The following SH3RF1 variants were observed in gnomAD, a reference collection of about 807,000 sequenced individuals.
The protein encoded by SH3RF1 is E3 ubiquitin-protein ligase SH3RF1.
In SH3RF1, 32 loss-of-function variants were observed where a neutral mutation model predicts 74.0. The ratio of observed to expected loss-of-function variants is 0.43; its 90% CI spans 0.33 to 0.58. SH3RF1 has a LOEUF of 0.58. Among genes scored for constraint, SH3RF1 ranks in the 20% least tolerant of loss-of-function variants. The pLI is 0.05. For synonymous variants in SH3RF1, 396 were observed against 439.6 expected (o/e 0.90, Z 1.24); for missense variants, 954 against 1,130.9 (o/e 0.84, Z 2.24).
intron 2 of SH3RF1, among the ~76,000 whole-genome samples, chr4:169,265,583 C>T (rs571528864): frequency 8.5e-5 from 13 of 152,314 alleles, no homozygotes; most frequent in African/African-American, 2.6e-4. Flanking sequence ...AAGCGATTCT[C>T]CAGCCTTGGC....
Position 169,136,486 on chromosome 4 carries a change from TTTGGTGTTCTTC to T in SH3RF1, c.888_899del (p.Asn298_Lys301del), listed in dbSNP as rs1561033426. 6.2e-7 allele frequency: 1 copy of T among 1,613,768 alleles called. No individual in the cohort carries two copies. Among genetic ancestry groups the T allele is most frequent in the South Asian group, 1.1e-5 (1 of 91,034 alleles). Reference sequence around the variant, plus strand: ...TGAGGGAAGTGAAGGAGTGCCGCTTTTTGGTGTTCTTCTTGGTGTCGGAGTGCTTTGGGGCAG... The same window carrying T: ...TGAGGGAAGTGAAGGAGTGCCGCTTTTTGGTGTCGGAGTGCTTTGGGGCAG... On this transcript the variant is annotated inframe_deletion, in exon 5 of 12. Coordinates refer to ENST00000284637, the MANE Select transcript of SH3RF1 (RefSeq NM_020870.4).
chr4:169,143,368 G>A (rs749524260), intron 4 of SH3RF1, among the ~76,000 whole-genome samples: 3 of 152,018 alleles, frequency 2.0e-5, no homozygotes, highest in East Asian at 1.9e-4. Flanking sequence ...TTTGAAACCC[G>A]GTGCGAACGG....
intron 8 of SH3RF1, 139 bp downstream of exon 8, chr4:169,120,680 A>T: frequency 1.2e-6 from 1 of 847,624 alleles, no homozygotes; most frequent in Non-Finnish European, 1.8e-6. Context: ...ATTTTAGCAG[A>T]TGTAGACATG....
intron 6 of SH3RF1, among the ~76,000 whole-genome samples, chr4:169,129,462 T>G (rs1236823367): frequency 6.6e-6 from 1 of 152,202 alleles, no homozygotes; most frequent in African/African-American, 2.4e-5. Context: ...CATTTGGATG[T>G]TTTTAAGCAA....
chr4:169,113,228 A>G (rs1454555482), intron 10 of SH3RF1, among the ~76,000 whole-genome samples: 1 of 151,802 alleles, frequency 6.6e-6, no homozygotes, highest in Non-Finnish European at 1.5e-5. Flanking sequence ...CTCCAGCTTC[A>G]GCCTCCTGAG....
chr4:169,223,337 A>G (rs1355203335), intron 2 of SH3RF1, among the ~76,000 whole-genome samples: 2 of 152,204 alleles, frequency 1.3e-5, no homozygotes, highest in Admixed American at 6.5e-5. Flanking sequence ...ACATTCTATG[A>G]GAGTTCTGAG....
At chr4:169,168,417 G>A (rs1484231206) in intron 2 of SH3RF1, among the ~76,000 whole-genome samples, 1 of 152,118 alleles carries the variant, frequency 6.6e-6, no homozygotes, top group Non-Finnish European at 1.5e-5. Context: ...GAGAAGTTTG[G>A]CATATTCAGT....
intron 2 of SH3RF1, among the ~76,000 whole-genome samples, chr4:169,218,937 A>C (rs1428258517): frequency 6.6e-6 from 1 of 152,212 alleles, no homozygotes; most frequent in Non-Finnish European, 1.5e-5. Context: ...TAAATAATTT[A>C]CAGTATTTAG....
At chr4:169,190,391 T>G (rs1734680961) in intron 2 of SH3RF1, among the ~76,000 whole-genome samples, 1 of 151,870 alleles carries the variant, frequency 6.6e-6, no homozygotes, top group Non-Finnish European at 1.5e-5. Context: ...ACGAGAGACA[T>G]TACAACTGAC....
rs1353339818 is a variant in SH3RF1, at chr4:169,237,913, T to C, written c.393+30907A>G. Among the ~76,000 whole-genome samples, 3 of 152,172 alleles carry C rather than the reference T, an allele frequency of 2.0e-5. No individual in the cohort carries two copies. The East Asian group carries it at 5.8e-4, about 29-fold the overall frequency. ...CCTTGAAATCTGATCACCCTTGATATATAGCTCCTCATCTCCCACCTTTGA... is the reference window on the plus strand; with the variant it reads ...CCTTGAAATCTGATCACCCTTGATACATAGCTCCTCATCTCCCACCTTTGA... On this transcript the variant is annotated intron_variant, in intron 2 of 11. Coordinates refer to ENST00000284637, the MANE Select transcript of SH3RF1 (RefSeq NM_020870.4).
At chr4:169,230,603 A>G (rs1730721717) in intron 2 of SH3RF1, among the ~76,000 whole-genome samples, 1 of 152,218 alleles carries the variant, frequency 6.6e-6, no homozygotes, top group Non-Finnish European at 1.5e-5. Context: ...TCACACCTGT[A>G]TTCCCATCAC....
rs78728037 is a variant in SH3RF1 at position 169,165,738 on chromosome 4, T to C, written c.394-9059A>G. On this transcript the variant is annotated intron_variant, in intron 2 of 11. Coordinates refer to ENST00000284637, the MANE Select transcript of SH3RF1 (RefSeq NM_020870.4). ...CCTTGGAGAGAGGATGCTCATATAA[T>C]TTAAACATAAGGTTAAATGTAAAAG... is the stretch of plus-strand genomic sequence containing the variant. Among the ~76,000 whole-genome samples, 70 of 152,242 alleles carry C rather than the reference T, an allele frequency of 4.6e-4. 1 individual carries two copies. In the East Asian group the frequency reaches 0.013, roughly 29 times the overall value.
chr4:169,262,291 C>A (rs186795092), intron 2 of SH3RF1, among the ~76,000 whole-genome samples: 5 of 152,238 alleles, frequency 3.3e-5, no homozygotes, highest in African/African-American at 1.2e-4. Flanking sequence ...ATAACATATT[C>A]TTCTATATGG....
chr4:169,155,410 A>C, intron 4 of SH3RF1, 70 bp downstream of exon 4: 1 of 1,236,758 alleles, frequency 8.1e-7, no homozygotes, highest in Admixed American at 1.7e-5. Flanking sequence ...TTAATACTCA[A>C]ATTGCATAAT....
intron 2 of SH3RF1, among the ~76,000 whole-genome samples, chr4:169,235,167 T>G (rs1326915086): frequency 6.6e-6 from 1 of 152,350 alleles, no homozygotes; most frequent in East Asian, 1.9e-4. Context: ...ATAATCCTAC[T>G]GTGCAAAACA....
chr4:169,200,687 C>T (rs915909963), intron 2 of SH3RF1, among the ~76,000 whole-genome samples: 6 of 152,166 alleles, frequency 3.9e-5, no homozygotes, highest in African/African-American at 1.4e-4. Flanking sequence ...CAACTACGTG[C>T]TCCCTTTACC....
At chr4:169,197,782 A>G (rs1734841228) in intron 2 of SH3RF1, among the ~76,000 whole-genome samples, 1 of 152,138 alleles carries the variant, frequency 6.6e-6, no homozygotes, top group Non-Finnish European at 1.5e-5. Flanking sequence ...TGATACTACT[A>G]CAACTAATAA....
chr4:169,190,757 A>G (rs1326612040), intron 2 of SH3RF1, among the ~76,000 whole-genome samples: 29 of 152,136 alleles, frequency 1.9e-4, no homozygotes, highest in Admixed American at 1.8e-3. Context: ...AAACCAGGAA[A>G]GGATATAACC....
chr4:169,198,043 T>C, intron 2 of SH3RF1, among the ~76,000 whole-genome samples: 1 of 152,232 alleles, frequency 6.6e-6, no homozygotes, highest in South Asian at 2.1e-4. Context: ...TTCATAATAC[T>C]ATTGTGCTTT....
Sources: gnomAD v4.1 joint callset for allele counts (sites outside exome capture counted in the v4.1 genomes callset) on GRCh38, gnomAD v4.1.1 for gene constraint, MANE v1.5 for transcripts, NCBI Gene and HGNC (gene_info 2026-07-23, HGNC 2026-07-21) for gene names.